Variants in NDUFB9 observed in about 807,000 individuals in gnomAD.
NDUFB9 encodes the protein NADH:ubiquinone oxidoreductase subunit B9.
In NDUFB9, 24 loss-of-function variants were observed where a neutral mutation model predicts 30.2. The ratio of observed to expected loss-of-function variants is 0.80; its 90% CI spans 0.58 to 1.12. The LOEUF is 1.12. Ranked by LOEUF, NDUFB9 falls within the 50% of genes most tolerant of loss-of-function variation. The pLI is 0.00. For missense variants in NDUFB9, 204 were observed against 226.0 expected (o/e 0.90, Z 0.62); for synonymous variants, 80 against 84.0 (o/e 0.95, Z 0.26).
Position 124,539,288 on chromosome 8 carries a change from G to T in NDUFB9, c.101+1G>T, listed in dbSNP as rs1459308079. On this transcript the variant is annotated splice_donor_variant, in intron 1 of 3. Coordinates refer to ENST00000276689, the MANE Select transcript of NDUFB9 (RefSeq NM_005005.3). LOFTEE classifies it high-confidence loss of function. ...ACCTCGAGTCGTGGTGCGTCCAGAG[G>T]TAAGGGATGGGGACCCAGGACTCGG... 1.2e-6 allele frequency: 2 copies of T among 1,614,172 alleles called. No homozygotes were observed. Among genetic ancestry groups the T allele is most frequent in the Non-Finnish European group, 1.7e-6 (2 of 1,180,010 alleles).
At position 124,543,109 on chromosome 8, in the gene NDUFB9, T is replaced by G. The variant is rs1342883348; in HGVS notation, c.124T>G (p.Cys42Gly). ...AAGAGACAAATACCGATACTTTGCT[T>G]GTTTGATGAGAGCCCGGTTTGAAGA... The part of the protein sequence containing the change: ...VQRDKYRYFA[C>G]LMRARFEEHK... Residue 42 changes from cysteine to glycine, a missense_variant, in exon 2 of 4, where the codon TGT becomes GGT. Physicochemically the swap from Cys to Gly is radical, Grantham distance 159 (BLOSUM62 -3). Transcript: ENST00000276689. The G allele has an allele frequency of 6.2e-7, 1 of 1,614,186 alleles. No individual in the cohort carries two copies. The highest frequency in any genetic ancestry group is 8.5e-7 in the Non-Finnish European group (1 of 1,180,032).
At chr8:124,547,708 G>A (rs764706096) in intron 3 of NDUFB9, among the ~76,000 whole-genome samples, 1 of 151,982 alleles carries the variant, frequency 6.6e-6, no homozygotes, top group Non-Finnish European at 1.5e-5. Context: ...GGCAGGGTGC[G>A]GTGGCTCACA....
intron 3 of NDUFB9, chr8:124,547,438 G>A: frequency 3.4e-6 from 2 of 596,148 alleles, no homozygotes; most frequent in South Asian, 4.1e-5. Flanking sequence ...TTTCAGTCAT[G>A]TTAGGATGGT....
chr8:124,541,250 T>G (rs1021234994), intron 1 of NDUFB9, among the ~76,000 whole-genome samples: 2 of 152,216 alleles, frequency 1.3e-5, no homozygotes, highest in African/African-American at 4.8e-5. Flanking sequence ...GAAATCAAAC[T>G]TGTTTTCCTG....
intron 1 of NDUFB9, 41 bp from the exon 2 acceptor site, chr8:124,543,046 G>A (rs1822060526): frequency 6.2e-7 from 1 of 1,600,410 alleles, no homozygotes; most frequent in East Asian, 2.2e-5. Flanking sequence ...GACCACGTGA[G>A]TAGGTAACAT....
chr8:124,547,049 A>T lies in NDUFB9; in HGVS notation c.344A>T (p.Tyr115Phe). The stretch of plus-strand genomic sequence containing the variant: ...TGGCATCCTTCTGAGAAGGCAATGT[A>T]TCCTGATTACTTTGCCAAGAGAGAA... ...DDWHPSEKAMYPDYFAKREQW... is the reference protein window; with the variant it reads ...DDWHPSEKAMFPDYFAKREQW... Residue 115 changes from tyrosine (Y) to phenylalanine (F), a missense_variant, in exon 3 of 4, where the codon TAT becomes TTT. Physicochemically the swap from Tyr to Phe is conservative, Grantham distance 22. Transcript: ENST00000276689. The T allele has an allele frequency of 6.2e-7, 1 of 1,613,252 alleles. No homozygotes were observed.
Position 124,539,183 on chromosome 8 carries a change from C to T in NDUFB9, c.-4C>T, listed in dbSNP as rs536334436. The T allele has an allele frequency of 1.7e-5, 28 of 1,614,170 alleles. No homozygotes were observed. The highest frequency in any genetic ancestry group is 1.9e-5 in the Non-Finnish European group (23 of 1,180,004). On this transcript the variant is annotated 5_prime_UTR_variant, in exon 1 of 4. Coordinates refer to ENST00000276689, the MANE Select transcript of NDUFB9 (RefSeq NM_005005.3). ...CCGCGCGGCCGGGGAAGGTCAGCGC[C>T]GTAATGGCGTTCTTGGCGTCGGGAC... is the stretch of plus-strand genomic sequence containing the variant.
chr8:124,543,876 A>G (rs917349432), intron 2 of NDUFB9, among the ~76,000 whole-genome samples: 8 of 152,218 alleles, frequency 5.3e-5, no homozygotes, highest in Non-Finnish European at 1.0e-4. Context: ...GAAGAGTTAC[A>G]TGTCTCTCAC....
rs762551693 is a variant in NDUFB9 at position 124,546,988 on chromosome 8, C to G, written c.295-12C>G. ...TCCTGTGGATTGATACCATGATTTC[C>G]TCTCCTGACAGGTCCCAGAATGGTG... is the stretch of plus-strand genomic sequence containing the variant. On this transcript the variant is annotated splice_polypyrimidine_tract_variant and intron_variant, in intron 2 of 3. Coordinates refer to ENST00000276689, the MANE Select transcript of NDUFB9 (RefSeq NM_005005.3). The G allele has an allele frequency of 5.7e-6, 9 of 1,586,712 alleles. No homozygotes were observed. Among genetic ancestry groups the G allele is most frequent in the Non-Finnish European group, 7.8e-6 (9 of 1,156,822 alleles).
At position 124,539,352 on chromosome 8, in the gene NDUFB9, C is replaced by T; in HGVS notation, c.101+65C>T. Reference sequence around the variant, plus strand: ...GGGGCCCCATGGAGGTGGAGAGGCCCCTGGGTACCTGGAGGTTCAAGGACT... The same window carrying T: ...GGGGCCCCATGGAGGTGGAGAGGCCTCTGGGTACCTGGAGGTTCAAGGACT... On this transcript the variant is annotated intron_variant, in intron 1 of 3. Transcript: ENST00000276689. 7 of 1,413,264 alleles carry T rather than the reference C, an allele frequency of 5.0e-6. No individual in the cohort carries two copies. In the South Asian group the frequency reaches 8.1e-5, roughly 16 times the overall value. The allele number at this position is 1,413,264 out of a possible 1,614,324, so 87.5% of individuals were successfully genotyped here.
intron 2 of NDUFB9, 72 bp from the exon 3 acceptor site, chr8:124,546,928 T>G: frequency 9.9e-7 from 1 of 1,008,950 alleles, no homozygotes; most frequent in South Asian, 1.3e-5. Context: ...GTCTTACATC[T>G]CCTGAGCAGG....
At chr8:124,546,496 C>T (rs1248945328) in intron 2 of NDUFB9, among the ~76,000 whole-genome samples, 1 of 152,212 alleles carries the variant, frequency 6.6e-6, no homozygotes, top group African/African-American at 2.4e-5. Context: ...TGGAACCAAA[C>T]CCCCAGTATC....
chr8:124,549,688 T>G, intron 3 of NDUFB9, 73 bp from the exon 4 acceptor site: 1 of 1,443,114 alleles, frequency 6.9e-7, no homozygotes. Context: ...AAGCTGACCC[T>G]TCACTGCAGC....
At chr8:124,541,861 C>T (rs1189166829) in intron 1 of NDUFB9, among the ~76,000 whole-genome samples, 1 of 151,954 alleles carries the variant, frequency 6.6e-6, no homozygotes, top group Admixed American at 6.6e-5. Context: ...CTCAGCCTCC[C>T]AAAGTGCTGG....
At chr8:124,549,629 A>G (rs1206149816) in intron 3 of NDUFB9, 132 bp from the exon 4 acceptor site, 1 of 848,058 alleles carries the variant, frequency 1.2e-6, no homozygotes, top group Non-Finnish European at 2.0e-6. Context: ...AACACTTTTC[A>G]ATATTGTGAT....
chr8:124,542,472 T>C (rs1314816360), intron 1 of NDUFB9, among the ~76,000 whole-genome samples: 2 of 152,186 alleles, frequency 1.3e-5, no homozygotes, highest in East Asian at 3.8e-4. Context: ...CTCCCCTGTC[T>C]CCTGTCACCA....
At chr8:124,542,969 G>A in intron 1 of NDUFB9, 118 bp from the exon 2 acceptor site, 1 of 1,029,632 alleles carries the variant, frequency 9.7e-7, no homozygotes, top group Non-Finnish European at 1.5e-6. Flanking sequence ...CATTGGGAGG[G>A]TTGGGGTAGG....
intron 1 of NDUFB9, among the ~76,000 whole-genome samples, chr8:124,541,494 C>T (rs1821984951): frequency 6.6e-6 from 1 of 152,194 alleles, no homozygotes; most frequent in African/African-American, 2.4e-5. Context: ...ATGTACCAGG[C>T]ACTTTTTAAA....
At chr8:124,547,700 C>A (rs1228029457) in intron 3 of NDUFB9, among the ~76,000 whole-genome samples, 2 of 152,160 alleles carry the variant, frequency 1.3e-5, no homozygotes, top group Non-Finnish European at 2.9e-5. Context: ...GTTTCTGGGG[C>A]AGGGTGCGGT....
Sources: allele counts gnomAD v4.1 joint callset (sites outside exome capture counted in the v4.1 genomes callset), GRCh38; gene constraint gnomAD v4.1.1; transcripts MANE v1.5; gene names NCBI Gene and HGNC (gene_info 2026-07-23, HGNC 2026-07-21).